CLCA1: variants seen among roughly 807,000 people sequenced by gnomAD.
CLCA1 encodes chloride channel accessory 1.
Under a neutral mutation model 85.6 loss-of-function variants are expected in CLCA1, and 59 were observed. The ratio of observed to expected loss-of-function variants is 0.69; its 90% CI spans 0.56 to 0.86. The LOEUF (loss-of-function observed/expected upper bound fraction) is 0.86, where lower values mean the gene tolerates loss of function less well. CLCA1 is among the 40% of genes least tolerant of loss of function. The probability of loss-of-function intolerance (pLI) is 0.00; values close to 1 mark genes in which losing one functional copy is unlikely to be tolerated. For missense variants in CLCA1, 1,022 were observed against 1,101.4 expected (o/e 0.93, Z 1.02); for synonymous variants, 396 against 398.3 (o/e 0.99, Z 0.07).
At chr1:86,477,504 G>C (rs978467237) in intron 4 of CLCA1, among the ~76,000 whole-genome samples, 1 of 152,184 alleles carries the variant, frequency 6.6e-6, no homozygotes, top group African/African-American at 2.4e-5. Context: ...AACTGCTTTA[G>C]TGCAAACAGA....
At chr1:86,478,028 C>T (rs1000010598) in intron 4 of CLCA1, among the ~76,000 whole-genome samples, 4 of 152,174 alleles carry the variant, frequency 2.6e-5, no homozygotes, top group African/African-American at 9.7e-5. Context: ...TCGCACAGGA[C>T]CATTACTGCT....
At chr1:86,470,670 G>T (rs1299276001) in intron 1 of CLCA1, among the ~76,000 whole-genome samples, 1 of 152,142 alleles carries the variant, frequency 6.6e-6, no homozygotes, top group Non-Finnish European at 1.5e-5. Flanking sequence ...AGATAAGTTG[G>T]CTTCCATCAT....
Position 86,493,370 on chromosome 1 carries a change from G to A in CLCA1, c.1465-14G>A. 1.9e-6 allele frequency: 3 copies of A among 1,606,742 alleles called. No homozygotes were observed. Among genetic ancestry groups the A allele is most frequent in the Non-Finnish European group, 2.6e-6 (3 of 1,174,124 alleles). ...CTGTATTCTCCAGAAAGTAAGAGCT[G>A]TTTTTCTTAACAGCTTGAGAGTAAG... On this transcript the variant is annotated splice_polypyrimidine_tract_variant and intron_variant, in intron 9 of 13. Coordinates refer to ENST00000394711, the MANE Select transcript of CLCA1 (RefSeq NM_001285.4).
chr1:86,484,233 A>T (rs1200903547), intron 5 of CLCA1, among the ~76,000 whole-genome samples: 1 of 152,196 alleles, frequency 6.6e-6, no homozygotes, highest in Non-Finnish European at 1.5e-5. Flanking sequence ...CCTTATTGAA[A>T]TTTCTACAAG....
chr1:86,484,988 G>A (rs1256275437), intron 5 of CLCA1, among the ~76,000 whole-genome samples: 1 of 152,194 alleles, frequency 6.6e-6, no homozygotes, highest in African/African-American at 2.4e-5. Flanking sequence ...AAGTAAGGAA[G>A]TGGAGTTTGG....
intron 12 of CLCA1, among the ~76,000 whole-genome samples, chr1:86,495,957 G>A (rs1175786099): frequency 6.6e-6 from 1 of 152,162 alleles, no homozygotes; most frequent in Non-Finnish European, 1.5e-5. Context: ...CCCTTAGGGG[G>A]GCAAACTAGC....
chr1:86,478,850 T>A (rs1421177841), intron 4 of CLCA1, among the ~76,000 whole-genome samples: 2 of 152,242 alleles, frequency 1.3e-5, no homozygotes, highest in Non-Finnish European at 2.9e-5. Flanking sequence ...TTAAATTATT[T>A]TTAAGGCTTA....
intron 4 of CLCA1, among the ~76,000 whole-genome samples, chr1:86,477,540 T>G (rs1262012368): frequency 1.3e-5 from 2 of 152,180 alleles, no homozygotes; most frequent in African/African-American, 2.4e-5. Flanking sequence ...CCTAATTTAT[T>G]TTAAAGAGTT....
At chr1:86,475,164 C>T (rs1388545120) in intron 3 of CLCA1, among the ~76,000 whole-genome samples, 1 of 152,214 alleles carries the variant, frequency 6.6e-6, no homozygotes, top group Non-Finnish European at 1.5e-5. Flanking sequence ...CCACTCCAGC[C>T]ATCATGATCA....
At chr1:86,477,372 C>A (rs1647700060) in intron 4 of CLCA1, among the ~76,000 whole-genome samples, 1 of 152,224 alleles carries the variant, frequency 6.6e-6, no homozygotes, top group Admixed American at 6.5e-5. Flanking sequence ...ACAGAAACTC[C>A]TCCCAGTTTG....
At chr1:86,473,667 C>A in intron 2 of CLCA1, 62 bp from the exon 3 acceptor site, 4 of 1,499,226 alleles carry the variant, frequency 2.7e-6, no homozygotes, top group Non-Finnish European at 3.6e-6. Context: ...TACTCCAGTA[C>A]GAATATGGTT....
At chr1:86,489,276 A>G in intron 8 of CLCA1, 106 bp downstream of exon 8, 1 of 1,095,736 alleles carries the variant, frequency 9.1e-7, no homozygotes, top group Non-Finnish European at 1.3e-6. Flanking sequence ...AGATAGGATA[A>G]CCTAATTGGC....
chr1:86,496,933 T>C (rs892449336), intron 12 of CLCA1, among the ~76,000 whole-genome samples: 1 of 152,140 alleles, frequency 6.6e-6, no homozygotes, highest in African/African-American at 2.4e-5. Flanking sequence ...TTTCACCATG[T>C]TGGCCAGGAT....
intron 9 of CLCA1, among the ~76,000 whole-genome samples, chr1:86,491,814 T>A (rs1040314): frequency 0.014 from 2,190 of 152,294 alleles, 73 homozygotes; most frequent in East Asian, 0.14. Context: ...GGACAGAAAG[T>A]GCTTTGTACT....
At chr1:86,478,430 G>GAA (rs146814299) in intron 4 of CLCA1, among the ~76,000 whole-genome samples, 1 of 147,094 alleles carries the variant, frequency 6.8e-6, no homozygotes, top group African/African-American at 2.5e-5. Context: ...CCATCCCCCC[G>GAA]AAAAAAAAAA....
chr1:86,471,904 A>G (rs1321409705), intron 1 of CLCA1, among the ~76,000 whole-genome samples: 1 of 152,124 alleles, frequency 6.6e-6, no homozygotes, highest in Non-Finnish European at 1.5e-5. Flanking sequence ...CTGCTTCCCC[A>G]TAAAATGGTG....
intron 9 of CLCA1, among the ~76,000 whole-genome samples, chr1:86,492,030 GA>G (rs3835431): frequency 6.6e-6 from 1 of 152,008 alleles, no homozygotes; most frequent in East Asian, 1.9e-4. Flanking sequence ...TAAGAAAAAA[GA>G]AAAATGTATT....
At chr1:86,478,227 A>G (rs993074749) in intron 4 of CLCA1, among the ~76,000 whole-genome samples, 3 of 152,082 alleles carry the variant, frequency 2.0e-5, no homozygotes, top group African/African-American at 4.8e-5. Context: ...GGAGTTCAAG[A>G]CCAGCCTGGC....
In CLCA1 at chr1:86,498,583, T is replaced by G. The variant is rs1435070495; in HGVS notation, c.2125T>G (p.Trp709Gly). ...PGWIENDEIQWNPPRPEINKD... is the reference protein window; with the variant it reads ...PGWIENDEIQGNPPRPEINKD... ...TTTTTTTAATGCAGATGAAATACAATGGAATCCACCAAGACCTGAAATTAA... is the reference window on the plus strand; with the variant it reads ...TTTTTTTAATGCAGATGAAATACAAGGGAATCCACCAAGACCTGAAATTAA... Residue 709 changes from tryptophan (W) to glycine (G), a missense_variant, in exon 13 of 14, where the codon TGG becomes GGG. Trp to Gly is a radical substitution (Grantham distance 184, BLOSUM62 -2). Transcript: ENST00000394711. 1 of 1,613,340 alleles carries G rather than the reference T, an allele frequency of 6.2e-7. No individual in the cohort carries two copies.
Sources: gnomAD v4.1 joint callset for allele counts (sites outside exome capture counted in the v4.1 genomes callset) on GRCh38, gnomAD v4.1.1 for gene constraint, MANE v1.5 for transcripts, NCBI Gene and HGNC (gene_info 2026-07-23, HGNC 2026-07-21) for gene names.